Variants in TNRC6B observed in about 807,000 individuals in gnomAD.
TNRC6B encodes the protein trinucleotide repeat containing adaptor 6B.
A neutral mutation model predicts 203.6 loss-of-function variants in TNRC6B; 52 were observed. The observed-to-expected ratio is 0.26, with a 90% confidence interval of 0.20 to 0.32. The LOEUF (loss-of-function observed/expected upper bound fraction) is 0.32. Among genes scored for constraint, TNRC6B ranks in the 10% least tolerant of loss-of-function variants. TNRC6B has a pLI of 1.00. For synonymous variants in TNRC6B, 838 were observed against 845.7 expected (o/e 0.99, Z 0.16); for missense variants, 1,923 against 2,286.2 (o/e 0.84, Z 3.24).
intron 1 of TNRC6B, among the ~76,000 whole-genome samples, chr22:40,207,638 A>G (rs1402806602): frequency 6.6e-6 from 1 of 151,896 alleles, no homozygotes; most frequent in Non-Finnish European, 1.5e-5. Flanking sequence ...TCAATAAGAA[A>G]AAGACCTAGT....
At chr22:40,236,230 G>T (rs1177492725) in intron 1 of TNRC6B, among the ~76,000 whole-genome samples, 1 of 152,156 alleles carries the variant, frequency 6.6e-6, no homozygotes, top group Non-Finnish European at 1.5e-5. Flanking sequence ...GTCACCACAA[G>T]GGTCACTAGT....
At chr22:40,174,085 C>T (rs889732046), upstream of TNRC6B, among the ~76,000 whole-genome samples, 7 of 151,550 alleles carry the variant, frequency 4.6e-5, no homozygotes, top group Non-Finnish European at 1.0e-4. Flanking sequence ...AGGCGTGAGC[C>T]ACCACGCCCA....
chr22:40,270,193 C>A lies in TNRC6B; in HGVS notation c.2878C>A (p.Pro960Thr), dbSNP rs773119495. Residue 960 changes from proline to threonine, a missense_variant, in exon 6 of 23, where the codon CCT (proline) becomes ACT (threonine). Coordinates refer to ENST00000454349, the MANE Select transcript of TNRC6B (RefSeq NM_001162501.2). ...SAWGEPNESS[P>T]GWGEMDDTGA... The stretch of plus-strand genomic sequence containing the variant: ...TTGGGGTGAGCCAAATGAAAGCAGT[C>A]CTGGGTGGGGCGAGATGGATGATAC... 2 of 1,569,902 alleles carry A rather than the reference C, an allele frequency of 1.3e-6. No homozygotes were observed. Among genetic ancestry groups the A allele is most frequent in the Non-Finnish European group, 1.7e-6 (2 of 1,157,032 alleles).
At chr22:40,183,693 G>GT (rs1256648487) in intron 1 of TNRC6B, among the ~76,000 whole-genome samples, 4 of 151,210 alleles carry the variant, frequency 2.6e-5, no homozygotes, top group African/African-American at 9.7e-5. Context: ...TTATTACTAG[G>GT]TTGTTTTTTT....
chr22:40,234,352 A>T (rs530515291), intron 1 of TNRC6B, among the ~76,000 whole-genome samples: 38 of 152,338 alleles, frequency 2.5e-4, no homozygotes, highest in African/African-American at 8.9e-4. Flanking sequence ...ACAAATAATG[A>T]GGCGAATGCT....
intron 1 of TNRC6B, among the ~76,000 whole-genome samples, 174 bp from the exon 2 acceptor site, chr22:40,245,841 G>A (rs901453257): frequency 1.3e-5 from 2 of 152,086 alleles, no homozygotes; most frequent in Non-Finnish European, 2.9e-5. Flanking sequence ...CCAAGATGTG[G>A]GAATAATTAA....
intron 1 of TNRC6B, among the ~76,000 whole-genome samples, chr22:40,202,743 T>A (rs1034019087): frequency 6.6e-6 from 1 of 152,076 alleles, no homozygotes; most frequent in African/African-American, 2.4e-5. Flanking sequence ...GTCGAGTGCC[T>A]GCTGGAAGAG....
chr22:40,207,383 G>A (rs957673338), intron 1 of TNRC6B, among the ~76,000 whole-genome samples: 2 of 144,254 alleles, frequency 1.4e-5, no homozygotes, highest in African/African-American at 5.0e-5. Context: ...CCCCAGCCTG[G>A]GCGATGGAGT....
At chr22:40,170,982 C>G (rs1481239820) in intron 4 of TNRC6B, among the ~76,000 whole-genome samples, 2 of 144,810 alleles carry the variant, frequency 1.4e-5, no homozygotes, top group African/African-American at 2.5e-5. Context: ...TGTATATGTA[C>G]ATATATGTGT....
chr22:40,137,474 T>C (rs1255813138), intron 3 of TNRC6B, among the ~76,000 whole-genome samples: 1 of 152,196 alleles, frequency 6.6e-6, no homozygotes, highest in Non-Finnish European at 1.5e-5. Flanking sequence ...TATAGAACTA[T>C]AGACTTCTAT....
chr22:40,170,362 TAGTTTA>T (rs1398359594), intron 4 of TNRC6B, among the ~76,000 whole-genome samples: 1 of 83,548 alleles, frequency 1.2e-5, no homozygotes, highest in South Asian at 3.3e-4. Flanking sequence ...ATTATGTATA[TAGTTTA>T]TATATATATT....
chr22:40,108,943 C>G (rs2068309748), intron 1 of TNRC6B, among the ~76,000 whole-genome samples: 1 of 151,386 alleles, frequency 6.6e-6, no homozygotes, highest in Non-Finnish European at 1.5e-5. Flanking sequence ...CCACCCACCC[C>G]CAGCCAACAG....
chr22:40,154,609 G>A (rs2068794023), intron 3 of TNRC6B, among the ~76,000 whole-genome samples: 2 of 151,250 alleles, frequency 1.3e-5, no homozygotes, highest in South Asian at 4.2e-4. Context: ...GGGAGGCCGA[G>A]GCAGGTGGAT....
intron 1 of TNRC6B, among the ~76,000 whole-genome samples, chr22:40,113,461 C>A (rs1281986151): frequency 6.6e-6 from 1 of 152,094 alleles, no homozygotes; most frequent in Non-Finnish European, 1.5e-5. Context: ...CTCAAGCCAT[C>A]CTCCCACCTC....
chr22:40,276,678 A>G (rs189431857), intron 7 of TNRC6B, among the ~76,000 whole-genome samples: 10 of 152,294 alleles, frequency 6.6e-5, no homozygotes, highest in Non-Finnish European at 1.0e-4. Flanking sequence ...CTCCTTTCCA[A>G]ATGACACGCA....
At chr22:40,221,761 CT>C (rs138030) in intron 1 of TNRC6B, among the ~76,000 whole-genome samples, 30,026 of 134,010 alleles carry the variant, frequency 0.22, 4,077 homozygotes, top group East Asian at 0.57. Context: ...GCCCCCCCCC[CT>C]TTTTTTTTTT....
At chr22:40,177,656 C>G (rs545724985), upstream of TNRC6B, among the ~76,000 whole-genome samples, 5 of 152,186 alleles carry the variant, frequency 3.3e-5, no homozygotes, top group African/African-American at 1.2e-4. Flanking sequence ...CTGTAAGAAT[C>G]GTTAGCAACT....
chr22:40,046,315 C>T (rs1474233753), intron 1 of TNRC6B, among the ~76,000 whole-genome samples: 2 of 152,210 alleles, frequency 1.3e-5, no homozygotes, highest in African/African-American at 4.8e-5. Context: ...GTCTCTACAG[C>T]GCGCAGCATT....
chr22:40,126,390 TTCCCTTCCC>T (rs1469444212), intron 3 of TNRC6B, among the ~76,000 whole-genome samples: 3 of 151,894 alleles, frequency 2.0e-5, no homozygotes, highest in African/African-American at 7.3e-5. Flanking sequence ...TGAACCCTTG[TTCCCTTCCC>T]TCCCTCTCCC....
Sources: allele counts gnomAD v4.1 joint callset (sites outside exome capture counted in the v4.1 genomes callset), GRCh38; gene constraint gnomAD v4.1.1; transcripts MANE v1.5; gene names NCBI Gene and HGNC (gene_info 2026-07-23, HGNC 2026-07-21).